Variants in DMKN observed in about 807,000 individuals in gnomAD.
The protein encoded by DMKN is epidermis-specific secreted protein SK30/SK89.
Under a neutral mutation model 67.6 loss-of-function variants are expected in DMKN, and 58 were observed. The observed-to-expected ratio is 0.86, with a 90% CI of 0.69 to 1.07. DMKN has a LOEUF of 1.07. Ranked by LOEUF, DMKN falls within the 50% of genes least tolerant of loss-of-function variation. The probability of loss-of-function intolerance (pLI) is 0.00; values close to 1 mark genes in which losing one functional copy is unlikely to be tolerated. For missense variants in DMKN, 596 were observed against 601.5 expected (o/e 0.99, Z 0.10); for synonymous variants, 240 against 232.3 (o/e 1.03, Z -0.30).
chr19:35,512,061 G>A (rs866945118), intron 3 of DMKN, among the ~76,000 whole-genome samples: 6 of 143,346 alleles, frequency 4.2e-5, no homozygotes, highest in Non-Finnish European at 7.5e-5. Context: ...GCAGTGATGC[G>A]ATCTCGGCTC....
intron 3 of DMKN, 89 bp from the exon 4 acceptor site, chr19:35,511,902 C>T: frequency 7.1e-7 from 1 of 1,406,798 alleles, no homozygotes; most frequent in South Asian, 1.5e-5. Flanking sequence ...CTCTCCCATT[C>T]TTTGGGGCTT....
At chr19:35,498,513 A>G in intron 15 of DMKN, 1 of 688,418 alleles carries the variant, frequency 1.5e-6, no homozygotes, top group Non-Finnish European at 2.4e-6. Context: ...CCAGCCCTAG[A>G]TCACTTTATT....
Position 35,512,774 on chromosome 19 carries a change from T to A in DMKN, c.443A>T (p.His148Leu). The A allele has an allele frequency of 3.7e-6, 6 of 1,613,628 alleles. No individual in the cohort carries two copies. Among genetic ancestry groups the A allele is most frequent in the Non-Finnish European group, 5.1e-6 (6 of 1,179,960 alleles). Residue 148 changes from histidine to leucine, a missense_variant, in exon 2 of 16, where the codon CAT (histidine) becomes CTT (leucine). Transcript: ENST00000339686. Reference protein sequence around the residue: ...HNGAWETSGGHGIFGSQGGLG... With the variant: ...HNGAWETSGGLGIFGSQGGLG... Reference sequence around the variant, plus strand: ...GCCACCTTGAGAGCCAAAGATGCCATGGCCTCCAGAAGTTTCCTGCAAGAA... The same window carrying A: ...GCCACCTTGAGAGCCAAAGATGCCAAGGCCTCCAGAAGTTTCCTGCAAGAA...
intron 9 of DMKN, chr19:35,503,515 G>A (rs1201984168): frequency 2.4e-5 from 36 of 1,526,562 alleles, no homozygotes; most frequent in South Asian, 7.4e-5. Flanking sequence ...TCGCTCTGTC[G>A]CCCAGGCTGG....
At chr19:35,502,008 C>A (rs1308190006) in intron 11 of DMKN, 128 bp downstream of exon 11, 1 of 1,567,938 alleles carries the variant, frequency 6.4e-7, no homozygotes, top group Admixed American at 1.8e-5. Flanking sequence ...CCCGCCCCCA[C>A]TCGGGATTGC....
chr19:35,512,358 C>T, intron 3 of DMKN, 63 bp downstream of exon 3: 2 of 1,582,960 alleles, frequency 1.3e-6, no homozygotes, highest in South Asian at 2.3e-5. Flanking sequence ...CTTTGTCTTT[C>T]CCCAGCTCTC....
At chr19:35,501,183 C>T (rs76742696) in intron 11 of DMKN, among the ~76,000 whole-genome samples, 16 of 152,148 alleles carry the variant, frequency 1.1e-4, no homozygotes, top group Non-Finnish European at 1.6e-4. Flanking sequence ...CCTGCCATCA[C>T]GGCTTCTCCA....
chr19:35,512,530 C>A (rs1462019874), intron 2 of DMKN, 53 bp from the exon 3 acceptor site: 1 of 1,613,938 alleles, frequency 6.2e-7, no homozygotes, highest in Non-Finnish European at 8.5e-7. Context: ...GGGAGGCACG[C>A]GGAGCATGTG....
chr19:35,502,783 C>A, intron 10 of DMKN, 47 bp downstream of exon 10: 2 of 1,607,622 alleles, frequency 1.2e-6, no homozygotes, highest in South Asian at 1.1e-5. Flanking sequence ...TGGGGAGAGT[C>A]AGGAGGGCCA....
rs757512374 is a variant in DMKN at position 35,500,543 on chromosome 19, CT to C, written c.1276del (p.Arg426GlufsTer48). The C allele has an allele frequency of 3.1e-6, 5 of 1,612,588 alleles. No individual in the cohort carries two copies. The highest frequency in any genetic ancestry group is 4.2e-6 in the Non-Finnish European group (5 of 1,179,378). On this transcript the variant is annotated frameshift_variant, in exon 12 of 16. Transcript: ENST00000339686. LOFTEE classifies it high-confidence loss of function. ...AGGACAGAGACTCACCTGATCGTCT[CT>C]GCCTGCACGTTTCTGCAGTGATGAC... ...DASSLQKRAG[R>X]DDQNYNYNQH...
At chr19:35,510,008 C>A (rs963008473) in intron 6 of DMKN, 47 bp from the exon 7 acceptor site, 10 of 1,609,732 alleles carry the variant, frequency 6.2e-6, no homozygotes, top group Non-Finnish European at 8.5e-6. Context: ...CCCTCCCAGA[C>A]CAGTCCCAGC....
At chr19:35,511,667 C>T in intron 4 of DMKN, 74 bp from the exon 5 acceptor site, 1 of 1,591,672 alleles carries the variant, frequency 6.3e-7, no homozygotes, top group Non-Finnish European at 8.6e-7. Context: ...CCTCCCTCTC[C>T]ACCCAGGCCA....
At chr19:35,503,122 C>T (rs1780193307) in intron 9 of DMKN, among the ~76,000 whole-genome samples, 1 of 152,144 alleles carries the variant, frequency 6.6e-6, no homozygotes, top group Non-Finnish European at 1.5e-5. Context: ...ATCCCAAGTT[C>T]CCCAGCCTCC....
Position 35,509,905 on chromosome 19 carries a change from T to G in DMKN, c.1038+6A>C, listed in dbSNP as rs764767441. Reference sequence around the variant, plus strand: ...CCCAGGAGACTTAAGAGACTTTGGCTCTCACCTGAATCCCAGATTCCCCGC... The same window carrying G: ...CCCAGGAGACTTAAGAGACTTTGGCGCTCACCTGAATCCCAGATTCCCCGC... On this transcript the variant is annotated splice_donor_region_variant and intron_variant, in intron 7 of 15. Coordinates refer to ENST00000339686, the MANE Select transcript of DMKN (RefSeq NM_033317.5). 10 of 1,614,076 alleles carry G rather than the reference T, an allele frequency of 6.2e-6. No individual in the cohort carries two copies. Among genetic ancestry groups the G allele is most frequent in the Non-Finnish European group, 8.5e-6 (10 of 1,180,032 alleles).
chr19:35,509,468 A>G (rs997119557), intron 7 of DMKN: 5 of 156,114 alleles, frequency 3.2e-5, no homozygotes, highest in Admixed American at 1.9e-4. Flanking sequence ...CAGCCCTGTT[A>G]GAGCAACCTG....
intron 13 of DMKN, among the ~76,000 whole-genome samples, chr19:35,499,617 G>C (rs866635496): frequency 1.3e-5 from 2 of 152,178 alleles, no homozygotes; most frequent in African/African-American, 4.8e-5. Flanking sequence ...GAACCTGTGA[G>C]GAAGAGCTGC....
rs143821677 is a variant in DMKN, at chr19:35,511,809, G to T, written c.689C>A (p.Thr230Lys). Residue 230 changes from threonine to lysine, a missense_variant, in exon 4 of 16, where the codon ACG (threonine) becomes AAG (lysine). Thr to Lys is a moderately conservative substitution (Grantham distance 78). Coordinates refer to ENST00000339686, the MANE Select transcript of DMKN (RefSeq NM_033317.5). Reference sequence around the variant, plus strand: ...ACCTGAGCCAGATGGTGGGGGATTCGTGCACTGTCGAGGGAAAGGGATGGT... The same window carrying T: ...ACCTGAGCCAGATGGTGGGGGATTCTTGCACTGTCGAGGGAAAGGGATGGT... ...VRASNQNEGC[T>K]NPPPSGSGGG... 6.2e-7 allele frequency: 1 copy of T among 1,612,752 alleles called. No homozygotes were observed. Among genetic ancestry groups the T allele is most frequent in the African/African-American group, 1.3e-5 (1 of 75,006 alleles).
At position 35,509,738 on chromosome 19, in the gene DMKN, T is replaced by G. The variant is rs932834506; in HGVS notation, c.1038+173A>C. On this transcript the variant is annotated intron_variant, in intron 7 of 15. Transcript: ENST00000339686. ...CACAGCAAGATTTGCAATTAATTAGTACTTTGGAAATCGTTAGCATTTTTA... is the reference window on the plus strand; with the variant it reads ...CACAGCAAGATTTGCAATTAATTAGGACTTTGGAAATCGTTAGCATTTTTA... The G allele has an allele frequency of 1.4e-5, 10 of 692,538 alleles. No homozygotes were observed. The African/African-American group carries it at 1.8e-4, about 12-fold the overall frequency. The allele number at this position is 692,538 out of a possible 1,614,324, so 42.9% of individuals were successfully genotyped here.
At chr19:35,498,824 T>G (rs1293072526) in intron 14 of DMKN, 50 bp downstream of exon 14, 2 of 1,614,008 alleles carry the variant, frequency 1.2e-6, no homozygotes, top group African/African-American at 1.3e-5. Flanking sequence ...CCCTCTGGCC[T>G]CAGGCCCCTT....
Sources: gnomAD v4.1 joint callset for allele counts (sites outside exome capture counted in the v4.1 genomes callset) on GRCh38, gnomAD v4.1.1 for gene constraint, MANE v1.5 for transcripts, NCBI Gene and HGNC (gene_info 2026-07-23, HGNC 2026-07-21) for gene names.